Variants in CSNK1A1 observed in about 807,000 individuals in gnomAD.
CSNK1A1 encodes casein kinase I isoform alpha.
In CSNK1A1, 7 loss-of-function variants were observed where a neutral mutation model predicts 46.1. That is an observed-to-expected ratio of 0.15 (90% CI 0.09 to 0.29). The LOEUF is 0.29. Ranked by LOEUF, CSNK1A1 falls within the 10% of genes least tolerant of loss-of-function variation. CSNK1A1 has a pLI of 1.00. For synonymous variants in CSNK1A1, 137 were observed against 141.5 expected, an observed-to-expected ratio of 0.97 and a Z score of 0.23; for missense variants, 96 against 417.1, an observed-to-expected ratio of 0.23 and a Z score of 6.71.
chr5:149,510,563 G>A (rs1036197107), intron 6 of CSNK1A1, among the ~76,000 whole-genome samples: 14 of 151,772 alleles, frequency 9.2e-5, no homozygotes, highest in African/African-American at 3.1e-4. Flanking sequence ...CTGTAGCCTC[G>A]AACTCCTGGG....
At chr5:149,544,053 A>T (rs1019427479) in intron 2 of CSNK1A1, among the ~76,000 whole-genome samples, 4 of 152,212 alleles carry the variant, frequency 2.6e-5, no homozygotes, top group African/African-American at 9.7e-5. Flanking sequence ...AGTCCTTAGG[A>T]TCAATGAGGC....
At chr5:149,513,968 GT>G (rs1761317084) in intron 4 of CSNK1A1, among the ~76,000 whole-genome samples, 1 of 150,822 alleles carries the variant, frequency 6.6e-6, no homozygotes, top group African/African-American at 2.4e-5. Context: ...ATTCTTAAAT[GT>G]GCCAACAGAA....
At chr5:149,515,672 C>T (rs1022603709) in intron 4 of CSNK1A1, among the ~76,000 whole-genome samples, 8 of 152,288 alleles carry the variant, frequency 5.3e-5, no homozygotes, top group Non-Finnish European at 7.4e-5. Context: ...TCATTACCTT[C>T]GGGTACCTAT....
intron 2 of CSNK1A1, among the ~76,000 whole-genome samples, chr5:149,537,571 T>C (rs1056785922): frequency 2.0e-5 from 3 of 151,734 alleles, no homozygotes; most frequent in Non-Finnish European, 4.4e-5. Flanking sequence ...AAATTCCTTG[T>C]GGTAATTACA....
At chr5:149,548,959 A>G (rs1561776627) in intron 2 of CSNK1A1, among the ~76,000 whole-genome samples, 2 of 152,230 alleles carry the variant, frequency 1.3e-5, no homozygotes, top group African/African-American at 2.4e-5. Context: ...GCTTTAAACT[A>G]TATTTTAGTC....
rs1762488237 is a variant in CSNK1A1, at chr5:149,546,527, G to A, written c.230+3548C>T. On this transcript the variant is annotated intron_variant, in intron 2 of 9. Coordinates refer to ENST00000377843, the MANE Select transcript of CSNK1A1 (RefSeq NM_001892.6). ...ACGTGCCTGTAGTCCCAGCTACTCAGGAGGCTAAGGCAGGAGAATTGCTTG... is the reference window on the plus strand; with the variant it reads ...ACGTGCCTGTAGTCCCAGCTACTCAAGAGGCTAAGGCAGGAGAATTGCTTG... Among the ~76,000 whole-genome samples the A allele has an allele frequency of 2.6e-5, 4 of 152,032 alleles. No individual in the cohort carries two copies. In the South Asian group the frequency reaches 8.3e-4, roughly 32 times the overall value.
intron 7 of CSNK1A1, among the ~76,000 whole-genome samples, chr5:149,508,047 A>G (rs369889276): frequency 1.3e-5 from 2 of 152,210 alleles, no homozygotes; most frequent in Non-Finnish European, 2.9e-5. Context: ...ACAAACCTCT[A>G]TATCTCCTCT....
chr5:149,504,454 T>C (rs1035904870), intron 9 of CSNK1A1: 2 of 985,414 alleles, frequency 2.0e-6, no homozygotes, highest in Non-Finnish European at 2.4e-6. Context: ...ATTTAAAAAT[T>C]AGAAACCAAG....
At chr5:149,529,124 C>T (rs1580845542) in intron 2 of CSNK1A1, among the ~76,000 whole-genome samples, 1 of 152,040 alleles carries the variant, frequency 6.6e-6, no homozygotes, top group African/African-American at 2.4e-5. Flanking sequence ...TAAAAAAAAT[C>T]AAGTAATTTA....
chr5:149,513,607 C>G (rs761276620), intron 4 of CSNK1A1, among the ~76,000 whole-genome samples: 1 of 152,130 alleles, frequency 6.6e-6, no homozygotes, highest in Middle Eastern at 3.2e-3. Context: ...GTTTCAAAAT[C>G]TAGATATAAT....
chr5:149,521,925 T>G (rs1001228276), intron 3 of CSNK1A1, among the ~76,000 whole-genome samples: 8 of 152,120 alleles, frequency 5.3e-5, no homozygotes, highest in African/African-American at 1.9e-4. Flanking sequence ...GAGGATTTAC[T>G]CTTCTATGTA....
rs73798231 is a variant in CSNK1A1 at position 149,503,579 on chromosome 5, G to T, written c.1006+1868C>A. On this transcript the variant is annotated intron_variant, in intron 9 of 9. Coordinates refer to ENST00000377843, the MANE Select transcript of CSNK1A1 (RefSeq NM_001892.6). ...TAATGTCACTATAAAATTTTTAAAA[G>T]ATTTTAAGTTGCTTTTACAAAAAAT... is the stretch of plus-strand genomic sequence containing the variant. The T allele has an allele frequency of 0.015, 15,046 of 984,484 alleles. 800 individuals carry two copies. In the East Asian group the frequency reaches 0.17, roughly 11 times the overall value. The allele number at this position is 984,484 out of a possible 1,614,324, so 61.0% of individuals were successfully genotyped here.
At chr5:149,545,390 G>A (rs898998121) in intron 2 of CSNK1A1, 2 of 469,142 alleles carry the variant, frequency 4.3e-6, no homozygotes, top group East Asian at 3.8e-5. Context: ...TACCTACTCC[G>A]AAGCCTTTGT....
Position 149,496,812 on chromosome 5 carries a change from T to C in CSNK1A1, c.*41A>G. The C allele has an allele frequency of 6.4e-7, 1 of 1,555,914 alleles. No individual in the cohort carries two copies. The highest frequency in any genetic ancestry group is 8.7e-7 in the Non-Finnish European group (1 of 1,151,038). ...AGATTTGGGGAGAAACAAATGCTGC[T>C]CCGATCATCTGCTCTGCTTCTTCTG... is the stretch of plus-strand genomic sequence containing the variant. On this transcript the variant is annotated 3_prime_UTR_variant, in exon 10 of 10. Transcript: ENST00000377843.
At chr5:149,505,661 CTT>C in intron 8 of CSNK1A1, 66 bp from the exon 9 acceptor site, 1 of 1,327,826 alleles carries the variant, frequency 7.5e-7, no homozygotes, top group Non-Finnish European at 1.1e-6. Context: ...AACCTACTAA[CTT>C]TTTAAGACAG....
At chr5:149,516,533 G>T (rs533872009) in intron 4 of CSNK1A1, among the ~76,000 whole-genome samples, 2 of 151,176 alleles carry the variant, frequency 1.3e-5, no homozygotes, top group East Asian at 3.9e-4. Context: ...CATTCACAAG[G>T]TCACTTTACT....
At chr5:149,498,318 A>C in intron 9 of CSNK1A1, 1 of 985,440 alleles carries the variant, frequency 1.0e-6, no homozygotes, top group Non-Finnish European at 1.2e-6. Context: ...TAAGCACCAA[A>C]TGCCAAAAAT....
chr5:149,510,471 T>TG (rs1761181633), intron 6 of CSNK1A1, among the ~76,000 whole-genome samples: 2 of 151,270 alleles, frequency 1.3e-5, no homozygotes, highest in African/African-American at 4.9e-5. Context: ...TTTCTTTGTT[T>TG]TTTTGTTTGT....
intron 2 of CSNK1A1, among the ~76,000 whole-genome samples, chr5:149,528,962 T>TCTTA (rs776175192): frequency 5.9e-5 from 9 of 152,254 alleles, no homozygotes; most frequent in Non-Finnish European, 1.3e-4. Flanking sequence ...GAAACACAGG[T>TCTTA]CTTACCTTTA....
Sources: gnomAD v4.1 joint callset for allele counts (sites outside exome capture counted in the v4.1 genomes callset) on GRCh38, gnomAD v4.1.1 for gene constraint, MANE v1.5 for transcripts, NCBI Gene and HGNC (gene_info 2026-07-23, HGNC 2026-07-21) for gene names.